The following STX16 variants were observed in gnomAD, a reference collection of about 807,000 sequenced individuals.
STX16 encodes syntaxin 16.
Under a neutral mutation model 42.7 loss-of-function variants are expected in STX16, and 28 were observed. The observed-to-expected ratio is 0.66, with a 90% CI of 0.49 to 0.90. STX16 has a LOEUF of 0.90. Ranked by LOEUF, STX16 falls within the 40% of genes least tolerant of loss-of-function variation. The pLI is 0.00. For synonymous variants in STX16, 156 were observed against 155.2 expected, an observed-to-expected ratio of 1.00 and a Z score of -0.04; for missense variants, 361 against 420.9, an observed-to-expected ratio of 0.86 and a Z score of 1.24.
Position 58,671,261 on chromosome 20 carries a change from A to G in STX16, c.756A>G (p.Glu252=), listed in dbSNP as rs748600539. The G allele has an allele frequency of 1.9e-6, 3 of 1,613,652 alleles. No individual in the cohort carries two copies. Among genetic ancestry groups the G allele is most frequent in the Non-Finnish European group, 2.5e-6 (3 of 1,179,810 alleles). The stretch of plus-strand genomic sequence containing the variant: ...TACAGTCCATTTCTGACCTGAATGA[A>G]ATATTCAGGGACTTAGGGGCGATGA... ...QIVQSISDLN[E]IFRDLGAMIV... Residue 252 remains glutamate (E), a synonymous_variant, in exon 7 of 9, where the codon GAA becomes GAG. Coordinates refer to ENST00000371141, the MANE Select transcript of STX16 (RefSeq NM_001001433.3).
At chr20:58,665,057 G>C (rs2083786764) in intron 2 of STX16, among the ~76,000 whole-genome samples, 1 of 152,184 alleles carries the variant, frequency 6.6e-6, no homozygotes, top group East Asian at 1.9e-4. Flanking sequence ...GCTGCGAGCT[G>C]GGCCTGTGGT....
chr20:58,670,130 G>T (rs1169199180), intron 5 of STX16, among the ~76,000 whole-genome samples: 2 of 152,160 alleles, frequency 1.3e-5, no homozygotes, highest in Non-Finnish European at 2.9e-5. Context: ...TTTGATTAGG[G>T]CCATATGGAA....
intron 5 of STX16, among the ~76,000 whole-genome samples, chr20:58,670,005 G>A (rs1000479237): frequency 6.6e-6 from 1 of 152,186 alleles, no homozygotes; most frequent in South Asian, 2.1e-4. Flanking sequence ...CCTGTAAACT[G>A]GGTTTTTTAA....
intron 5 of STX16, among the ~76,000 whole-genome samples, chr20:58,670,021 C>T (rs2083931496): frequency 6.6e-6 from 1 of 152,136 alleles, no homozygotes; most frequent in Non-Finnish European, 1.5e-5. Flanking sequence ...TTTAAAATTG[C>T]CCTTGCAATC....
At chr20:58,654,873 T>G (rs1337566857) in intron 1 of STX16, among the ~76,000 whole-genome samples, 1 of 152,200 alleles carries the variant, frequency 6.6e-6, no homozygotes, top group African/African-American at 2.4e-5. Context: ...ATAAGGCAAA[T>G]TGTTACTCAT....
In STX16 at chr20:58,651,566, A is replaced by G. The variant is rs1458085504; in HGVS notation, c.-441A>G. The G allele has an allele frequency of 1.2e-5, 2 of 163,330 alleles. No homozygotes were observed. Among genetic ancestry groups the G allele is most frequent in the African/African-American group, 4.8e-5 (2 of 41,678 alleles). The allele number at this position is 163,330 out of a possible 1,614,324, so 10.1% of individuals were successfully genotyped here. A position where few individuals can be genotyped will look rare whatever the true frequency, so the allele number is the denominator to read the frequency against. ...CTGAGTCACAGCCAGACCTCAGGGC[A>G]CGGCCTAGACGCTTACGAGCCAAAG... is the stretch of plus-strand genomic sequence containing the variant. On this transcript the variant is annotated 5_prime_UTR_variant, in exon 1 of 9. Coordinates refer to ENST00000371141, the MANE Select transcript of STX16 (RefSeq NM_001001433.3).
At chr20:58,655,494 C>G (rs1330266627) in intron 1 of STX16, among the ~76,000 whole-genome samples, 1 of 152,170 alleles carries the variant, frequency 6.6e-6, no homozygotes, top group Non-Finnish European at 1.5e-5. Context: ...CAGATAAACA[C>G]AAAGCCTCAA....
At chr20:58,671,063 C>A in intron 6 of STX16, 91 bp from the exon 7 acceptor site, 1 of 1,234,024 alleles carries the variant, frequency 8.1e-7, no homozygotes, top group South Asian at 2.0e-5. Flanking sequence ...AAATTATTTT[C>A]ATTGTCTTTA....
At chr20:58,671,318 C>T (rs761607016) in intron 7 of STX16, 21 bp downstream of exon 7, 21 of 1,587,562 alleles carry the variant, frequency 1.3e-5, no homozygotes, top group South Asian at 1.2e-4. Context: ...TGGCCTTCCT[C>T]GTGAATAGGT....
At position 58,677,725 on chromosome 20, in the gene STX16, G is replaced by T. The variant is rs749766894; in HGVS notation, c.*1434G>T. ...TTTATTTGGACCAGTCACACAAAATGTCTCTCTAGAGTTGACTTTAAAGTT... is the reference window on the plus strand; with the variant it reads ...TTTATTTGGACCAGTCACACAAAATTTCTCTCTAGAGTTGACTTTAAAGTT... On this transcript the variant is annotated 3_prime_UTR_variant, in exon 9 of 9. Coordinates refer to ENST00000371141, the MANE Select transcript of STX16 (RefSeq NM_001001433.3). 2 of 152,166 alleles carry T rather than the reference G, an allele frequency of 1.3e-5. No individual in the cohort carries two copies. The highest frequency in any genetic ancestry group is 1.5e-5 in the Non-Finnish European group (1 of 68,022). 9.4% of individuals were successfully genotyped at this position (152,166 alleles called of 1,614,324 possible).
Position 58,671,265 on chromosome 20 carries a change from T to C in STX16, c.760T>C (p.Phe254Leu), listed in dbSNP as rs756533057. 4 of 1,613,600 alleles carry C rather than the reference T, an allele frequency of 2.5e-6. No individual in the cohort carries two copies. The highest frequency in any genetic ancestry group is 1.7e-5 in the Admixed American group (1 of 59,962). Residue 254 changes from phenylalanine to leucine, a missense_variant, in exon 7 of 9, where the codon TTC becomes CTC. Transcript: ENST00000371141. ...GTCCATTTCTGACCTGAATGAAATATTCAGGGACTTAGGGGCGATGATTGT... is the reference window on the plus strand; with the variant it reads ...GTCCATTTCTGACCTGAATGAAATACTCAGGGACTTAGGGGCGATGATTGT... ...VQSISDLNEI[F>L]RDLGAMIVEQ...
intron 2 of STX16, among the ~76,000 whole-genome samples, chr20:58,660,480 G>C (rs1396084198): frequency 2.6e-5 from 4 of 152,264 alleles, no homozygotes; most frequent in Admixed American, 6.5e-5. Context: ...AGTAGATTCA[G>C]ATCTACCTAT....
chr20:58,667,092 C>G, intron 2 of STX16: 1 of 270,238 alleles, frequency 3.7e-6, no homozygotes, highest in Non-Finnish European at 7.3e-6. Context: ...TTTTCACTTG[C>G]AACTGATCAC....
Position 58,663,990 on chromosome 20 carries a change from A to G in STX16, c.145-3500A>G, listed in dbSNP as rs529858151. ...ACCATGGCCAGCTGCACAAACCAAC[A>G]TCATATATTTGGAGGGGGCACCATG... On this transcript the variant is annotated intron_variant, in intron 2 of 8. Coordinates refer to ENST00000371141, the MANE Select transcript of STX16 (RefSeq NM_001001433.3). 2.0e-5 allele frequency among the ~76,000 whole-genome samples: 3 copies of G among 152,332 alleles called. No homozygotes were observed. The South Asian group carries it at 6.2e-4, about 32-fold the overall frequency.
chr20:58,667,778 G>A (rs1430689849), intron 3 of STX16, among the ~76,000 whole-genome samples, 181 bp downstream of exon 3: 2 of 152,140 alleles, frequency 1.3e-5, no homozygotes, highest in African/African-American at 2.4e-5. Context: ...TTTTAACATT[G>A]GTAGTAACTA....
chr20:58,664,661 G>A (rs2083774732), intron 2 of STX16, among the ~76,000 whole-genome samples: 1 of 152,236 alleles, frequency 6.6e-6, no homozygotes, highest in South Asian at 2.1e-4. Flanking sequence ...CTGCTTCAAA[G>A]AGTTGTATTC....
Position 58,651,759 on chromosome 20 carries a change from T to C in STX16, c.-248T>C, listed in dbSNP as rs1398044563. 3 of 446,958 alleles carry C rather than the reference T, an allele frequency of 6.7e-6. No homozygotes were observed. The highest frequency in any genetic ancestry group is 1.2e-5 in the Non-Finnish European group (3 of 243,286). 27.7% of individuals were successfully genotyped at this position (446,958 alleles called of 1,614,324 possible). A position where few individuals can be genotyped will look rare whatever the true frequency, so the allele number is the denominator to read the frequency against. On this transcript the variant is annotated 5_prime_UTR_variant, in exon 1 of 9. Coordinates refer to ENST00000371141, the MANE Select transcript of STX16 (RefSeq NM_001001433.3). ...TACGCAAGGATTGGGGGGATTCAAG[T>C]GCTTAGAGATCGAAGTCTGCCCTGG...
At chr20:58,664,469 T>TA (rs2083770222) in intron 2 of STX16, among the ~76,000 whole-genome samples, 1 of 152,248 alleles carries the variant, frequency 6.6e-6, no homozygotes, top group Non-Finnish European at 1.5e-5. Flanking sequence ...TGTTCTATCT[T>TA]ACTGGCAAAA....
At chr20:58,670,631 G>C (rs2083945819) in intron 6 of STX16, 28 bp downstream of exon 6, 2 of 1,586,428 alleles carry the variant, frequency 1.3e-6, no homozygotes, top group Admixed American at 1.7e-5. Context: ...AAAGCTGATT[G>C]CTGTGTCTGT....
Sources: allele counts gnomAD v4.1 joint callset (sites outside exome capture counted in the v4.1 genomes callset), GRCh38; gene constraint gnomAD v4.1.1; transcripts MANE v1.5; gene names NCBI Gene and HGNC (gene_info 2026-07-23, HGNC 2026-07-21).